Variants in KIF16B observed in about 807,000 individuals in gnomAD.
KIF16B encodes the protein kinesin-like protein KIF16B.
Under a neutral mutation model 156.3 loss-of-function variants are expected in KIF16B, and 98 were observed. That is an observed-to-expected ratio of 0.63 (90% CI 0.53 to 0.74). KIF16B has a LOEUF of 0.74. KIF16B is among the 30% of genes least tolerant of loss of function. The pLI, the probability that KIF16B is intolerant of heterozygous loss-of-function variation, is 0.00. For synonymous variants in KIF16B, 564 were observed against 583.7 expected (o/e 0.97, Z 0.49); for missense variants, 1,421 against 1,606.5 (o/e 0.88, Z 1.97).
intron 23 of KIF16B, among the ~76,000 whole-genome samples, chr20:16,353,301 G>A (rs1296399197): frequency 2.0e-5 from 3 of 152,164 alleles, no homozygotes; most frequent in Admixed American, 1.3e-4. Flanking sequence ...CCAAATGACT[G>A]AGAGAAAAGG....
chr20:16,406,456 C>T lies in KIF16B; in HGVS notation c.1613G>A (p.Gly538Asp). ...GGTTCTTCCCAAGAGAATCACAGCA[C>T]CTGAAAACACACAAAAACAGTAATG... ...QIVEATHLNQGAVILLGRTNM... is the reference protein window; with the variant it reads ...QIVEATHLNQDAVILLGRTNM... Residue 538 changes from glycine (G) to aspartate (D), a missense_variant and splice_region_variant, in exon 16 of 26, where the codon GGT becomes GAT. By Grantham distance (94) the Gly-to-Asp change is moderately conservative. Coordinates refer to ENST00000354981, the MANE Select transcript of KIF16B (RefSeq NM_024704.5). 6.2e-7 allele frequency: 1 copy of T among 1,613,184 alleles called. No individual in the cohort carries two copies. The highest frequency in any genetic ancestry group is 2.2e-5 in the East Asian group (1 of 44,862).
At chr20:16,306,564 G>C (rs1392150329) in intron 25 of KIF16B, among the ~76,000 whole-genome samples, 1 of 152,138 alleles carries the variant, frequency 6.6e-6, no homozygotes, top group Admixed American at 6.6e-5. Context: ...GAATCATCAA[G>C]AATAAGAATA....
At chr20:16,411,367 G>A (rs1374665258) in intron 15 of KIF16B, among the ~76,000 whole-genome samples, 1 of 151,810 alleles carries the variant, frequency 6.6e-6, no homozygotes, top group Non-Finnish European at 1.5e-5. Flanking sequence ...GTTTCTTCAG[G>A]TCATATATGA....
At chr20:16,530,894 T>C (rs979927231) in intron 1 of KIF16B, among the ~76,000 whole-genome samples, 6 of 151,926 alleles carry the variant, frequency 3.9e-5, no homozygotes, top group Admixed American at 6.6e-5. Context: ...AGAGATGGAG[T>C]TTTGCTGTGT....
At chr20:16,368,307 C>T (rs1298601742) in intron 22 of KIF16B, 14 of 994,760 alleles carry the variant, frequency 1.4e-5, no homozygotes, top group African/African-American at 1.7e-5. Flanking sequence ...CCCGGTAAGG[C>T]GCCGCACCCT....
Position 16,379,644 on chromosome 20 carries a change from C to A in KIF16B, c.2358G>T (p.Trp786Cys). 2 of 1,614,134 alleles carry A rather than the reference C, an allele frequency of 1.2e-6. No homozygotes were observed. The highest frequency in any genetic ancestry group is 1.7e-6 in the Non-Finnish European group (2 of 1,180,020). The change falls in exon 19 of 26, where the codon TGG (tryptophan) becomes TGT (cysteine). Residue 786 changes from tryptophan (W) to cysteine (C), a missense_variant. Transcript: ENST00000354981. Reference protein sequence around the residue: ...IQLLRRGEVQWVEEEKRDLEG... With the variant: ...IQLLRRGEVQCVEEEKRDLEG... ...CCAGGTCCCTCTTCTCCTCTTCCAC[C>A]CACTGTACCTCCCCACGCCGCAGGA...
intron 12 of KIF16B, among the ~76,000 whole-genome samples, chr20:16,450,436 C>T (rs1019056040): frequency 6.6e-6 from 1 of 152,204 alleles, no homozygotes; most frequent in South Asian, 2.1e-4. Context: ...AAAGTTCTAC[C>T]GCAAAAGCTT....
chr20:16,544,774 C>T (rs1444189123), intron 1 of KIF16B, among the ~76,000 whole-genome samples: 1 of 152,122 alleles, frequency 6.6e-6, no homozygotes, highest in Non-Finnish European at 1.5e-5. Flanking sequence ...AGTGTACATG[C>T]TTCCTGAGGC....
At chr20:16,544,998 G>A (rs1352145938) in intron 1 of KIF16B, among the ~76,000 whole-genome samples, 1 of 152,164 alleles carries the variant, frequency 6.6e-6, no homozygotes, top group African/African-American at 2.4e-5. Context: ...AATGCAGATA[G>A]ATTTTCCCCA....
At chr20:16,433,086 A>C (rs2066545854) in intron 12 of KIF16B, among the ~76,000 whole-genome samples, 1 of 152,186 alleles carries the variant, frequency 6.6e-6, no homozygotes, top group South Asian at 2.1e-4. Context: ...TTTCCTCCTG[A>C]CCATGAAATT....
intron 1 of KIF16B, among the ~76,000 whole-genome samples, chr20:16,548,397 G>C (rs1213637438): frequency 6.6e-6 from 1 of 152,150 alleles, no homozygotes; most frequent in Non-Finnish European, 1.5e-5. Flanking sequence ...GCATCCCAAA[G>C]CCCCAGGTCA....
At chr20:16,467,464 A>G (rs950847988) in intron 12 of KIF16B, among the ~76,000 whole-genome samples, 1 of 152,244 alleles carries the variant, frequency 6.6e-6, no homozygotes, top group African/African-American at 2.4e-5. Context: ...TAATTATGTC[A>G]GGAAGGTTGG....
At chr20:16,489,078 C>A (rs1006338475) in intron 12 of KIF16B, among the ~76,000 whole-genome samples, 1 of 152,206 alleles carries the variant, frequency 6.6e-6, no homozygotes, top group East Asian at 1.9e-4. Flanking sequence ...AGGCCACCCA[C>A]AAACTGGCAA....
At chr20:16,562,292 T>C (rs2071091014) in intron 1 of KIF16B, among the ~76,000 whole-genome samples, 1 of 152,194 alleles carries the variant, frequency 6.6e-6, no homozygotes, top group Admixed American at 6.5e-5. Flanking sequence ...ATAAACATAA[T>C]GTGCATTGGT....
chr20:16,419,663 A>G (rs546610986), intron 15 of KIF16B, among the ~76,000 whole-genome samples: 5 of 152,310 alleles, frequency 3.3e-5, no homozygotes, highest in African/African-American at 1.2e-4. Context: ...AACAAGTAAG[A>G]CCAAAGGAGT....
intron 24 of KIF16B, among the ~76,000 whole-genome samples, chr20:16,327,044 T>C (rs1157263790): frequency 7.5e-6 from 1 of 133,832 alleles, no homozygotes; most frequent in Non-Finnish European, 1.6e-5. Flanking sequence ...CACACACATA[T>C]ATATGTATGT....
At chr20:16,292,847 C>G (rs1010654646) in intron 25 of KIF16B, among the ~76,000 whole-genome samples, 2 of 152,146 alleles carry the variant, frequency 1.3e-5, no homozygotes, top group South Asian at 4.1e-4. Context: ...AGAAGTTAGG[C>G]CTTCAGGTTG....
intron 1 of KIF16B, among the ~76,000 whole-genome samples, chr20:16,545,920 A>C (rs1449903021): frequency 6.6e-6 from 1 of 152,028 alleles, no homozygotes; most frequent in Non-Finnish European, 1.5e-5. Context: ...AAAAAAATAC[A>C]ATTTTGGCCT....
intron 19 of KIF16B, among the ~76,000 whole-genome samples, chr20:16,375,638 G>A (rs1366732812): frequency 1.3e-5 from 2 of 151,534 alleles, no homozygotes; most frequent in Non-Finnish European, 2.9e-5. Flanking sequence ...AGGCCTGGTG[G>A]TGGCCAAATA....
Sources: gnomAD v4.1 joint callset for allele counts (sites outside exome capture counted in the v4.1 genomes callset) on GRCh38, gnomAD v4.1.1 for gene constraint, MANE v1.5 for transcripts, NCBI Gene and HGNC (gene_info 2026-07-23, HGNC 2026-07-21) for gene names.